TBXAS1: variants seen among roughly 807,000 people sequenced by gnomAD.
TBXAS1 encodes the protein thromboxane-A synthase.
Under a neutral mutation model 60.7 loss-of-function variants are expected in TBXAS1, and 48 were observed. The ratio of observed to expected loss-of-function variants is 0.79; its 90% CI spans 0.63 to 1.01. TBXAS1 has a LOEUF of 1.01. Among genes scored for constraint, TBXAS1 ranks in the 50% least tolerant of loss-of-function variants. The pLI is 0.00. For missense variants in TBXAS1, 685 were observed against 686.3 expected (o/e 1.00, Z 0.02); for synonymous variants, 287 against 269.7 (o/e 1.06, Z -0.63).
intron 5 of TBXAS1, among the ~76,000 whole-genome samples, chr7:139,946,598 A>G (rs529928385): frequency 2.6e-5 from 4 of 152,318 alleles, no homozygotes; most frequent in African/African-American, 9.6e-5. Flanking sequence ...GATGGCTCCA[A>G]TGGGGAGTTG....
intron 4 of TBXAS1, among the ~76,000 whole-genome samples, chr7:139,919,581 A>G (rs1297679797): frequency 1.3e-5 from 2 of 152,166 alleles, no homozygotes; most frequent in Admixed American, 6.5e-5. Flanking sequence ...TTCATATTCT[A>G]TCATGCCTTT....
At chr7:139,935,262 C>G (rs1309961665) in intron 4 of TBXAS1, among the ~76,000 whole-genome samples, 6 of 152,328 alleles carry the variant, frequency 3.9e-5, no homozygotes, top group African/African-American at 1.4e-4. Flanking sequence ...TTGCATATAA[C>G]CTATGTACAT....
intron 4 of TBXAS1, among the ~76,000 whole-genome samples, chr7:139,921,208 C>T (rs1806441792): frequency 6.6e-6 from 1 of 152,138 alleles, no homozygotes. Flanking sequence ...TCCAACACTC[C>T]AGAGGGTTCC....
At chr7:139,913,198 G>A (rs887028160) in intron 4 of TBXAS1, 2 of 698,520 alleles carry the variant, frequency 2.9e-6, no homozygotes, top group Non-Finnish European at 5.2e-6. Flanking sequence ...CTGCTTCTCT[G>A]CTGCCTCTAG....
chr7:139,834,179 A>C (rs1225590194), intron 1 of TBXAS1, among the ~76,000 whole-genome samples: 1 of 152,220 alleles, frequency 6.6e-6, no homozygotes, highest in African/African-American at 2.4e-5. Flanking sequence ...ATGCAAACAC[A>C]TGGAAATTGT....
In TBXAS1 at chr7:140,004,826, T is replaced by C. The variant is rs1054323023; in HGVS notation, c.1135-2265T>C. On this transcript the variant is annotated intron_variant, in intron 9 of 12. Transcript: ENST00000448866. The surrounding 1 kb of genome is among the most constrained non-coding windows in gnomAD (Gnocchi z 5.1). ...ACACCCTCAGTACCTGGGCTAGGGG[T>C]GGGCAGAGGTTTGCCCCCATCGAGA... is the stretch of plus-strand genomic sequence containing the variant. Among the ~76,000 whole-genome samples, 1 of 152,060 alleles carries C rather than the reference T, an allele frequency of 6.6e-6. No individual in the cohort carries two copies. Among genetic ancestry groups the C allele is most frequent in the Admixed American group, 6.6e-5 (1 of 15,258 alleles).
At chr7:140,002,680 TCAGA>T (rs1471944875) in intron 9 of TBXAS1, among the ~76,000 whole-genome samples, 2 of 152,140 alleles carry the variant, frequency 1.3e-5, no homozygotes, top group African/African-American at 2.4e-5. Flanking sequence ...AGGGTAGGTC[TCAGA>T]CAGACAGTCG....
intron 9 of TBXAS1, among the ~76,000 whole-genome samples, chr7:139,997,447 T>C (rs1463064612): frequency 2.0e-5 from 3 of 152,182 alleles, no homozygotes; most frequent in Admixed American, 6.5e-5. Flanking sequence ...TCGAATCTAG[T>C]TGATGTTGGA....
chr7:139,933,448 A>G (rs1807493510), intron 4 of TBXAS1, among the ~76,000 whole-genome samples: 1 of 152,158 alleles, frequency 6.6e-6, no homozygotes, highest in African/African-American at 2.4e-5. Context: ...AAATACACAT[A>G]ATATATGATT....
chr7:140,005,917 G>A (rs1176844503), intron 9 of TBXAS1, among the ~76,000 whole-genome samples: 1 of 152,220 alleles, frequency 6.6e-6, no homozygotes, highest in Admixed American at 6.5e-5. Flanking sequence ...TGATGCTGCT[G>A]CTGCTGACCC....
chr7:139,872,901 T>C (rs901694605), intron 2 of TBXAS1, among the ~76,000 whole-genome samples: 2 of 152,130 alleles, frequency 1.3e-5, no homozygotes, highest in African/African-American at 4.8e-5. Context: ...ACCCCATATA[T>C]TGTATGTCTA....
intron 10 of TBXAS1, among the ~76,000 whole-genome samples, chr7:140,015,362 A>G (rs1272341186): frequency 2.6e-5 from 4 of 152,152 alleles, no homozygotes; most frequent in African/African-American, 9.7e-5. Context: ...ATGACCCTCC[A>G]GGCCCCCACT....
chr7:139,820,588 C>G (rs34804277), intron 4 of TBXAS1, among the ~76,000 whole-genome samples: 1 of 152,076 alleles, frequency 6.6e-6, no homozygotes, highest in South Asian at 2.1e-4. Context: ...TACAGTTACC[C>G]TAAATAGCAT....
At chr7:139,982,292 T>C (rs1236959424) in intron 9 of TBXAS1, among the ~76,000 whole-genome samples, 1 of 152,244 alleles carries the variant, frequency 6.6e-6, no homozygotes, top group Non-Finnish European at 1.5e-5. Context: ...GTTTAACCTC[T>C]CTCTACTGGC....
At chr7:139,791,508 G>A (rs757129709) in intron 4 of TBXAS1, among the ~76,000 whole-genome samples, 90 of 152,320 alleles carry the variant, frequency 5.9e-4, no homozygotes, top group Non-Finnish European at 8.5e-4. Context: ...GCTGGGAAAT[G>A]ATCACATATG....
At chr7:139,912,153 G>A (rs1488982362) in intron 4 of TBXAS1, among the ~76,000 whole-genome samples, 1 of 152,224 alleles carries the variant, frequency 6.6e-6, no homozygotes, top group Admixed American at 6.5e-5. Flanking sequence ...TTGCTTGAAC[G>A]CTTGAATCTG....
At chr7:139,803,418 A>G (rs1185385936) in intron 4 of TBXAS1, among the ~76,000 whole-genome samples, 1 of 152,238 alleles carries the variant, frequency 6.6e-6, no homozygotes, top group Non-Finnish European at 1.5e-5. Flanking sequence ...AAAGTATTCA[A>G]GAGGAAGCAG....
chr7:139,826,994 C>T (rs1401249255), upstream of TBXAS1, among the ~76,000 whole-genome samples: 1 of 152,130 alleles, frequency 6.6e-6, no homozygotes, highest in Non-Finnish European at 1.5e-5. Context: ...GTGTGGTCCT[C>T]CTTTCCCCTT....
intron 9 of TBXAS1, among the ~76,000 whole-genome samples, chr7:139,998,011 G>A (rs1363458696): frequency 6.6e-6 from 1 of 152,140 alleles, no homozygotes; most frequent in Non-Finnish European, 1.5e-5. Context: ...GATAAATCGG[G>A]GCAGCTCACC....
Sources: allele counts gnomAD v4.1 joint callset (sites outside exome capture counted in the v4.1 genomes callset), GRCh38; gene constraint gnomAD v4.1.1; non-coding constraint Gnocchi (gnomAD v3.1); transcripts MANE v1.5; gene names NCBI Gene and HGNC (gene_info 2026-07-23, HGNC 2026-07-21).